PLXDC2: variants seen among roughly 807,000 people sequenced by gnomAD.
PLXDC2 encodes plexin domain containing 2.
Under a neutral mutation model 68.9 loss-of-function variants are expected in PLXDC2, and 40 were observed. The observed-to-expected ratio is 0.58, with a 90% CI of 0.45 to 0.76. The LOEUF is 0.76. Among genes scored for constraint, PLXDC2 ranks in the 30% least tolerant of loss-of-function variants. PLXDC2 has a pLI of 0.00. For synonymous variants in PLXDC2, 243 were observed against 234.2 expected, an observed-to-expected ratio of 1.04 and a Z score of -0.34; for missense variants, 644 against 661.9, an observed-to-expected ratio of 0.97 and a Z score of 0.30.
At chr10:19,944,950 C>A (rs1291123686) in intron 1 of PLXDC2, among the ~76,000 whole-genome samples, 1 of 151,966 alleles carries the variant, frequency 6.6e-6, no homozygotes, top group Non-Finnish European at 1.5e-5. Flanking sequence ...GAAACTCCAT[C>A]TCAAACAAAA....
chr10:19,869,571 C>T (rs1837495295), intron 1 of PLXDC2, among the ~76,000 whole-genome samples: 1 of 150,976 alleles, frequency 6.6e-6, no homozygotes, highest in African/African-American at 2.4e-5. Flanking sequence ...ATAACTATAT[C>T]ATAGGAATCT....
chr10:19,952,974 C>A (rs56928782), intron 1 of PLXDC2, among the ~76,000 whole-genome samples: 1 of 152,030 alleles, frequency 6.6e-6, no homozygotes, highest in Admixed American at 6.5e-5. Context: ...AGGCGATTCT[C>A]CTGCCTCAGC....
At chr10:19,870,725 CTACTACT>C (rs1316370001) in intron 1 of PLXDC2, among the ~76,000 whole-genome samples, 1 of 152,152 alleles carries the variant, frequency 6.6e-6, no homozygotes, top group African/African-American at 2.4e-5. Context: ...CACACCCAGC[CTACTACT>C]ACTATTTGTA....
intron 2 of PLXDC2, among the ~76,000 whole-genome samples, chr10:20,022,193 G>A (rs1440374179): frequency 1.3e-5 from 2 of 152,122 alleles, no homozygotes. Flanking sequence ...AAGCAATAAG[G>A]TTCCTAGATT....
Position 20,059,335 on chromosome 10 carries a change from G to A in PLXDC2, c.472-8835G>A, listed in dbSNP as rs144719170. 4.0e-4 allele frequency among the ~76,000 whole-genome samples: 24 copies of A among 59,268 alleles called. No individual in the cohort carries two copies. The East Asian group carries it at 6.3e-3, about 15-fold the overall frequency. The allele number at this position is 59,268 out of a possible 152,430, so 38.9% of individuals were successfully genotyped here. On this transcript the variant is annotated intron_variant, in intron 3 of 13. Coordinates refer to ENST00000377252, the MANE Select transcript of PLXDC2 (RefSeq NM_032812.9). ...ATAACTAATATGAATAATTCTCAGC[G>A]TTTGCAAGTACAGGCAAGCTACTGT... is the stretch of plus-strand genomic sequence containing the variant.
At chr10:19,926,030 G>A (rs1040670731) in intron 1 of PLXDC2, among the ~76,000 whole-genome samples, 1 of 152,212 alleles carries the variant, frequency 6.6e-6, no homozygotes. Flanking sequence ...GGGAGCTGAA[G>A]TTGACATTTT....
intron 1 of PLXDC2, among the ~76,000 whole-genome samples, chr10:19,862,059 G>C (rs192086018): frequency 1.3e-5 from 2 of 152,256 alleles, no homozygotes; most frequent in Admixed American, 6.5e-5. Flanking sequence ...TAGGAGATAA[G>C]GAAAGATGTT....
At chr10:20,279,398 T>C (rs1836051854) in intron 13 of PLXDC2, among the ~76,000 whole-genome samples, 3 of 152,138 alleles carry the variant, frequency 2.0e-5, no homozygotes, top group Admixed American at 2.0e-4. Flanking sequence ...TAGTTATATT[T>C]GAGCATTTCA....
intron 12 of PLXDC2, among the ~76,000 whole-genome samples, chr10:20,223,150 G>C (rs1166875460): frequency 6.6e-6 from 1 of 152,018 alleles, no homozygotes; most frequent in Admixed American, 6.6e-5. Flanking sequence ...CCCTGACTTG[G>C]TCTATTATTA....
At chr10:19,819,530 T>G (rs1836425586) in intron 1 of PLXDC2, among the ~76,000 whole-genome samples, 1 of 152,226 alleles carries the variant, frequency 6.6e-6, no homozygotes, top group Admixed American at 6.5e-5. Flanking sequence ...ACAATCAGGA[T>G]CTTTATTACA....
chr10:20,189,147 G>A (rs10827989), intron 9 of PLXDC2, among the ~76,000 whole-genome samples: 92,656 of 123,960 alleles, frequency 0.75, 31,759 homozygotes, highest in East Asian at 0.9. Flanking sequence ...TTCCAAACCT[G>A]AGTTTAACAA....
intron 1 of PLXDC2, among the ~76,000 whole-genome samples, chr10:19,837,399 AGAGAGAGAGAGTGTGTGTGTGTGT>A (rs746637492): frequency 9.3e-6 from 1 of 107,836 alleles, no homozygotes; most frequent in East Asian, 2.4e-4. Context: ...AGAGAGAGAG[AGAGAGAGAGAGTGTGTGTGTGTGT>A]GTGTGTGTGT....
intron 12 of PLXDC2, among the ~76,000 whole-genome samples, chr10:20,226,665 T>C (rs773000496): frequency 1.7e-4 from 26 of 152,194 alleles, no homozygotes; most frequent in Non-Finnish European, 3.8e-4. Flanking sequence ...TTAGAGTTTA[T>C]GCTGCCGATA....
intron 13 of PLXDC2, among the ~76,000 whole-genome samples, chr10:20,266,114 A>C (rs1435863798): frequency 1.3e-5 from 2 of 152,210 alleles, no homozygotes; most frequent in Non-Finnish European, 2.9e-5. Flanking sequence ...CATCCAGTGC[A>C]CATAAGGTCA....
At chr10:20,194,983 G>A (rs1176498991) in intron 9 of PLXDC2, among the ~76,000 whole-genome samples, 1 of 151,564 alleles carries the variant, frequency 6.6e-6, no homozygotes, top group Non-Finnish European at 1.5e-5. Context: ...ATTTTAAGTG[G>A]GCTCATAGTG....
chr10:20,118,920 CT>C (rs34396697), intron 4 of PLXDC2, among the ~76,000 whole-genome samples: 2,388 of 139,750 alleles, frequency 0.017, 36 homozygotes, highest in African/African-American at 0.045. Context: ...ACATTGAAGC[CT>C]TTTTTTTTTT....
At chr10:20,246,190 A>G (rs564108412) in intron 13 of PLXDC2, among the ~76,000 whole-genome samples, 25 of 152,334 alleles carry the variant, frequency 1.6e-4, no homozygotes, top group African/African-American at 5.3e-4. Flanking sequence ...AGGTGGGAAG[A>G]CAAGGGGCTG....
Position 20,038,653 on chromosome 10 carries a change from A to G in PLXDC2, c.325-8216A>G, listed in dbSNP as rs530789392. Reference sequence around the variant, plus strand: ...GATTTAAGGATGCTGAATACTTTATATTCTGTTCTTAGGCTTTTCAAATGT... The same window carrying G: ...GATTTAAGGATGCTGAATACTTTATGTTCTGTTCTTAGGCTTTTCAAATGT... On this transcript the variant is annotated intron_variant, in intron 2 of 13. Coordinates refer to ENST00000377252, the MANE Select transcript of PLXDC2 (RefSeq NM_032812.9). 2.6e-5 allele frequency among the ~76,000 whole-genome samples: 4 copies of G among 152,308 alleles called. No individual in the cohort carries two copies. The East Asian group carries it at 5.8e-4, about 22-fold the overall frequency.
At chr10:20,181,703 G>T (rs1382181474) in intron 9 of PLXDC2, among the ~76,000 whole-genome samples, 2 of 152,060 alleles carry the variant, frequency 1.3e-5, no homozygotes, top group Non-Finnish European at 2.9e-5. Context: ...AGCTGGTTTG[G>T]AGTGAGAGTG....
Sources: allele counts gnomAD v4.1 joint callset (sites outside exome capture counted in the v4.1 genomes callset), GRCh38; gene constraint gnomAD v4.1.1; transcripts MANE v1.5; gene names NCBI Gene and HGNC (gene_info 2026-07-23, HGNC 2026-07-21).